Variants in DLG5 observed in about 807,000 individuals in gnomAD.
The protein encoded by DLG5 is disks large homolog 5.
A neutral mutation model predicts 189.8 loss-of-function variants in DLG5; 48 were observed. The observed-to-expected ratio is 0.25, with a 90% CI of 0.20 to 0.32. The LOEUF (loss-of-function observed/expected upper bound fraction) is 0.32, where lower values mean the gene tolerates loss of function less well. Ranked by LOEUF, DLG5 falls within the 10% of genes least tolerant of loss-of-function variation. The probability of loss-of-function intolerance (pLI) is 1.00; values close to 1 mark genes in which losing one functional copy is unlikely to be tolerated. For synonymous variants in DLG5, 1,016 were observed against 1,054.1 expected, an observed-to-expected ratio of 0.96 and a Z score of 0.70; for missense variants, 2,160 against 2,544.7, an observed-to-expected ratio of 0.85 and a Z score of 3.25.
intron 1 of DLG5, among the ~76,000 whole-genome samples, chr10:77,882,062 C>A (rs1845297150): frequency 6.6e-6 from 1 of 152,246 alleles, no homozygotes; most frequent in African/African-American, 2.4e-5. Flanking sequence ...ACCACCAAGG[C>A]AACTCAGCCT....
chr10:77,888,435 G>A (rs1431929900), intron 1 of DLG5, among the ~76,000 whole-genome samples: 1 of 152,152 alleles, frequency 6.6e-6, no homozygotes, highest in African/African-American at 2.4e-5. Flanking sequence ...CAAAGAATGT[G>A]CAAAAAACCA....
Position 77,821,099 on chromosome 10 carries a change from G to A in DLG5, c.3385C>T (p.Pro1129Ser), listed in dbSNP as rs1314124073. 2 of 1,612,578 alleles carry A rather than the reference G, an allele frequency of 1.2e-6. No homozygotes were observed. The highest frequency in any genetic ancestry group is 8.5e-7 in the Non-Finnish European group (1 of 1,179,392). The change falls in exon 15 of 32, where the codon CCT becomes TCT. Residue 1129 changes from proline to serine, a missense_variant. Transcript: ENST00000372391. ...AGCTATACCTCCAGGAACTGAGCAG[G>A]AATCACTACTGGAGCAAGCTTCGGC... ...FRPKLAPVVIPAQFLEEQKCV... is the reference protein window; with the variant it reads ...FRPKLAPVVISAQFLEEQKCV...
chr10:77,899,223 G>T (rs1184914821), intron 1 of DLG5, among the ~76,000 whole-genome samples: 1 of 152,194 alleles, frequency 6.6e-6, no homozygotes, highest in African/African-American at 2.4e-5. Context: ...CAGACTGGGG[G>T]AGCTCAGCAC....
Position 77,820,884 on chromosome 10 carries a change from A to G in DLG5, c.3402+198T>C, listed in dbSNP as rs537318002. On this transcript the variant is annotated intron_variant, in intron 15 of 31. Transcript: ENST00000372391. Reference sequence around the variant, plus strand: ...ATAAAGTGTTCCCCTCTTGTGTCACACTCCCACTACCATGCACTTCCACGC... The same window carrying G: ...ATAAAGTGTTCCCCTCTTGTGTCACGCTCCCACTACCATGCACTTCCACGC... The G allele has an allele frequency of 7.0e-5, 43 of 610,010 alleles. 1 individual carries two copies. The Admixed American group carries it at 1.1e-3, about 16-fold the overall frequency. 37.8% of individuals were successfully genotyped at this position (610,010 alleles called of 1,614,324 possible). A position where few individuals can be genotyped will look rare whatever the true frequency, so the allele number is the denominator to read the frequency against.
intron 5 of DLG5, among the ~76,000 whole-genome samples, chr10:77,850,554 G>A (rs750549844): frequency 2.0e-5 from 3 of 152,160 alleles, no homozygotes; most frequent in African/African-American, 4.8e-5. Flanking sequence ...TAGGAGTGTC[G>A]CTGGGAGGTC....
intron 9 of DLG5, among the ~76,000 whole-genome samples, chr10:77,832,627 C>T (rs1240262817): frequency 6.6e-6 from 1 of 152,232 alleles, no homozygotes; most frequent in Non-Finnish European, 1.5e-5. Context: ...GCAACACAGA[C>T]CCCCTCACCA....
chr10:77,851,496 G>A (rs182593207), intron 5 of DLG5, among the ~76,000 whole-genome samples: 58 of 152,320 alleles, frequency 3.8e-4, no homozygotes, highest in African/African-American at 1.3e-3. Context: ...CAGCAGGTGC[G>A]AGAAGGGACA....
intron 13 of DLG5, among the ~76,000 whole-genome samples, chr10:77,825,808 C>A (rs562834774): frequency 1.3e-5 from 2 of 152,104 alleles, no homozygotes; most frequent in African/African-American, 2.4e-5. Flanking sequence ...CCACCCGCCT[C>A]GGCCTCCCAA....
chr10:77,931,472 A>C (rs1846786047), upstream of DLG5, among the ~76,000 whole-genome samples: 1 of 150,484 alleles, frequency 6.6e-6, no homozygotes. Flanking sequence ...CTAGGTTCAA[A>C]CTCCTGGCCT....
At chr10:77,795,295 G>A (rs575138331) in intron 29 of DLG5, among the ~76,000 whole-genome samples, 6 of 152,284 alleles carry the variant, frequency 3.9e-5, no homozygotes, top group South Asian at 2.1e-4. Flanking sequence ...CAGACTGAGC[G>A]AATGAAGAGC....
chr10:77,805,675 T>C lies in DLG5; in HGVS notation c.5154A>G (p.Pro1718=). 4 of 1,606,502 alleles carry C rather than the reference T, an allele frequency of 2.5e-6. No individual in the cohort carries two copies. Among genetic ancestry groups the C allele is most frequent in the Non-Finnish European group, 3.4e-6 (4 of 1,174,768 alleles). ...AGCTCAGCCACTTGCCTTCAAAGAG[T>C]GGAATGGAGTCACTGGAAAAGGCAT... The part of the protein sequence containing the change: ...ALDAFSSDSI[P]LFEDSVSLAY... The change falls in exon 27 of 32, where the codon CCA becomes CCG. Residue 1718 remains proline, a synonymous_variant. Coordinates refer to ENST00000372391, the MANE Select transcript of DLG5 (RefSeq NM_004747.4).
rs567118447 is a variant in DLG5, at chr10:77,826,645, A to G, written c.2290-2169T>C. On this transcript the variant is annotated intron_variant, in intron 13 of 31. Coordinates refer to ENST00000372391, the MANE Select transcript of DLG5 (RefSeq NM_004747.4). The stretch of plus-strand genomic sequence containing the variant: ...CTATCTCAAACAAAAATAAAAACAA[A>G]AAGACATGCTGCTAAAATCTGGCTG... Among the ~76,000 whole-genome samples, 6 of 151,694 alleles carry G rather than the reference A, an allele frequency of 4.0e-5. No individual in the cohort carries two copies. In the South Asian group the frequency reaches 1.3e-3, roughly 32 times the overall value.
At chr10:77,936,221 C>T in the DLG5 span, among the ~76,000 whole-genome samples, 1 of 152,048 alleles carries the variant, frequency 6.6e-6, no homozygotes, top group African/African-American at 2.4e-5. Flanking sequence ...AGGTGGATCA[C>T]GAGGTCAGGA....
At chr10:77,939,221 T>C in the DLG5 span, among the ~76,000 whole-genome samples, 3 of 152,034 alleles carry the variant, frequency 2.0e-5, no homozygotes, top group Non-Finnish European at 4.4e-5. Context: ...AAACTGCCCC[T>C]GCCTTCCAAG....
intron 1 of DLG5, among the ~76,000 whole-genome samples, chr10:77,905,715 C>T (rs771042393): frequency 6.6e-5 from 10 of 152,320 alleles, no homozygotes; most frequent in Middle Eastern, 3.4e-3. Flanking sequence ...ACAGCCAAGA[C>T]CCTCCCCTCA....
At chr10:77,854,101 G>A in intron 4 of DLG5, 126 bp downstream of exon 4, 1 of 1,252,572 alleles carries the variant, frequency 8.0e-7, no homozygotes, top group Non-Finnish European at 1.1e-6. Context: ...GCTGTAGGCA[G>A]ACTGCTTGCT....
At chr10:77,792,833 G>A (rs1031043383) in intron 31 of DLG5, 12 of 428,168 alleles carry the variant, frequency 2.8e-5, no homozygotes, top group Admixed American at 7.6e-5. Context: ...AAGTTTGGAG[G>A]ACATGTGGCG....
chr10:77,913,755 T>C (rs1166375786), intron 1 of DLG5, among the ~76,000 whole-genome samples: 1 of 151,582 alleles, frequency 6.6e-6, no homozygotes, highest in East Asian at 1.9e-4. Flanking sequence ...GCTCAGCTAA[T>C]TTTTTTTTAT....
In DLG5 at chr10:77,913,799, G is replaced by A. The variant is rs532852289; in HGVS notation, c.304+12418C>T. Among the ~76,000 whole-genome samples, 5 of 152,136 alleles carry A rather than the reference G, an allele frequency of 3.3e-5. 1 individual carries two copies. The South Asian group carries it at 1.0e-3, about 32-fold the overall frequency. On this transcript the variant is annotated intron_variant, in intron 1 of 31. Coordinates refer to ENST00000372391, the MANE Select transcript of DLG5 (RefSeq NM_004747.4). Reference sequence around the variant, plus strand: ...ACATGGGGTTTTGCCGTGTTGCCCAGGCTGGTCTCAAACTCCTGGGCTCAA... The same window carrying A: ...ACATGGGGTTTTGCCGTGTTGCCCAAGCTGGTCTCAAACTCCTGGGCTCAA...
Sources: allele counts gnomAD v4.1 joint callset (sites outside exome capture counted in the v4.1 genomes callset), GRCh38; gene constraint gnomAD v4.1.1; transcripts MANE v1.5; gene names NCBI Gene and HGNC (gene_info 2026-07-23, HGNC 2026-07-21).